CCDC171: variants seen among roughly 807,000 people sequenced by gnomAD.
CCDC171 encodes coiled-coil domain containing 171.
Under a neutral mutation model 168.2 loss-of-function variants are expected in CCDC171, and 177 were observed. The observed-to-expected ratio is 1.05, with a 90% confidence interval of 0.93 to 1.19. The LOEUF (loss-of-function observed/expected upper bound fraction) is 1.19. CCDC171 is among the 50% of genes most tolerant of loss of function. The pLI, the probability that CCDC171 is intolerant of heterozygous loss-of-function variation, is 0.00. For missense variants in CCDC171, 1,991 were observed against 1,539.0 expected (o/e 1.29, Z -4.91); for synonymous variants, 687 against 540.8 (o/e 1.27, Z -3.75).
intron 21 of CCDC171, among the ~76,000 whole-genome samples, chr9:15,825,072 G>GA (rs2059956299): frequency 6.6e-6 from 1 of 151,902 alleles, no homozygotes; most frequent in South Asian, 2.1e-4. Flanking sequence ...AAGCAGGATA[G>GA]AAAAAAAGAG....
chr9:16,009,059 G>T (rs3008729), intron 3 of CCDC171, among the ~76,000 whole-genome samples: 85,515 of 151,358 alleles, frequency 0.56, 24,385 homozygotes, highest in East Asian at 0.66. Flanking sequence ...TATAAAAATT[G>T]TATTATTATA....
chr9:15,600,883 C>T (rs888992685), intron 6 of CCDC171, among the ~76,000 whole-genome samples: 1 of 152,206 alleles, frequency 6.6e-6, no homozygotes, highest in African/African-American at 2.4e-5. Context: ...TTGGATTTCA[C>T]ACTGCTGTGG....
At chr9:15,564,842 A>T (rs756512762) in intron 2 of CCDC171, among the ~76,000 whole-genome samples, 2 of 152,248 alleles carry the variant, frequency 1.3e-5, no homozygotes, top group Non-Finnish European at 2.9e-5. Flanking sequence ...TGAATCTAAG[A>T]GTAAAACATT....
chr9:16,062,739 T>A (rs1375871154), downstream of CCDC171, among the ~76,000 whole-genome samples: 6 of 151,988 alleles, frequency 3.9e-5, 1 homozygote. Flanking sequence ...GGTGAGAGAG[T>A]GACATGCACA....
At chr9:16,003,118 A>T (rs1303061624) in intron 3 of CCDC171, among the ~76,000 whole-genome samples, 2 of 152,188 alleles carry the variant, frequency 1.3e-5, no homozygotes, top group Admixed American at 6.5e-5. Context: ...CATCTCTGTT[A>T]GTGATTGTAA....
chr9:15,842,156 T>G (rs1233689478), intron 21 of CCDC171, among the ~76,000 whole-genome samples: 1 of 152,074 alleles, frequency 6.6e-6, no homozygotes, highest in Admixed American at 6.6e-5. Context: ...ACTAACTTTT[T>G]ATACCAAATT....
At chr9:15,702,217 A>C (rs1220963390) in intron 11 of CCDC171, among the ~76,000 whole-genome samples, 1 of 152,132 alleles carries the variant, frequency 6.6e-6, no homozygotes, top group African/African-American at 2.4e-5. Context: ...ATGAGCTGTC[A>C]TCCGTATGAG....
chr9:15,895,489 T>C (rs189273127), intron 24 of CCDC171, among the ~76,000 whole-genome samples: 2 of 152,144 alleles, frequency 1.3e-5, no homozygotes, highest in African/African-American at 4.8e-5. Flanking sequence ...GCTGACACCA[T>C]TGCAATAGAA....
chr9:15,711,833 T>G (rs2052690410), intron 11 of CCDC171, among the ~76,000 whole-genome samples: 1 of 152,240 alleles, frequency 6.6e-6, no homozygotes, highest in Non-Finnish European at 1.5e-5. Context: ...GTCCTTCTTT[T>G]TCTATCTGGT....
chr9:15,839,534 G>T (rs1025591862), intron 21 of CCDC171, among the ~76,000 whole-genome samples: 1 of 152,102 alleles, frequency 6.6e-6, no homozygotes, highest in African/African-American at 2.4e-5. Context: ...AACAGGAATG[G>T]TAATACTATA....
intron 11 of CCDC171, among the ~76,000 whole-genome samples, chr9:15,710,574 T>C (rs940466918): frequency 6.6e-6 from 1 of 152,006 alleles, no homozygotes; most frequent in African/African-American, 2.4e-5. Context: ...GTGCTGGGAT[T>C]ACAGGTGTGA....
intron 1 of CCDC171, among the ~76,000 whole-genome samples, chr9:16,059,051 G>A (rs1347314505): frequency 3.3e-5 from 5 of 152,096 alleles, no homozygotes; most frequent in African/African-American, 4.8e-5. Flanking sequence ...GTCTGTTCCT[G>A]TCTCCACAGT....
In CCDC171 at chr9:15,559,043, G is replaced by T. The variant is rs561047730; in HGVS notation, c.-111-4935G>T. The stretch of plus-strand genomic sequence containing the variant: ...TCAGTTTCCACGTAGTTGAGCGGTT[G>T]TGAGTGAGTTTCTTAATCCTGAGTT... On this transcript the variant is annotated intron_variant, in intron 1 of 25. Transcript: ENST00000380701. 2.6e-4 allele frequency among the ~76,000 whole-genome samples: 39 copies of T among 152,220 alleles called. No individual in the cohort carries two copies. In the East Asian group the frequency reaches 6.0e-3, roughly 23 times the overall value.
intron 7 of CCDC171, among the ~76,000 whole-genome samples, chr9:15,642,395 C>G (rs2046711181): frequency 8.7e-6 from 1 of 114,446 alleles, no homozygotes; most frequent in Middle Eastern, 6.2e-3. Flanking sequence ...GCATTTTAAC[C>G]AGAATTTTGT....
chr9:15,701,384 T>G (rs1192774368), intron 11 of CCDC171, among the ~76,000 whole-genome samples: 9 of 152,190 alleles, frequency 5.9e-5, no homozygotes, highest in Non-Finnish European at 1.0e-4. Flanking sequence ...GTCTTATGTT[T>G]GAGTCTTTAC....
chr9:16,076,858 A>G, the CCDC171 span, among the ~76,000 whole-genome samples: 5 of 152,118 alleles, frequency 3.3e-5, no homozygotes, highest in African/African-American at 1.2e-4. Context: ...GACTTGTAGA[A>G]CCCGGTATTT....
intron 7 of CCDC171, among the ~76,000 whole-genome samples, chr9:15,624,837 ATCACTGGGTTAAATGG>A (rs1355598348): frequency 6.6e-6 from 1 of 152,178 alleles, no homozygotes; most frequent in East Asian, 1.9e-4. Context: ...CAGTAATGGG[ATCACTGGGTTAAATGG>A]TATTTCTAGT....
intron 11 of CCDC171, among the ~76,000 whole-genome samples, chr9:15,716,664 G>T (rs918929662): frequency 6.6e-6 from 1 of 152,144 alleles, no homozygotes; most frequent in African/African-American, 2.4e-5. Context: ...AACATCTGGT[G>T]AGGGCCCTTA....
intron 6 of CCDC171, among the ~76,000 whole-genome samples, chr9:15,605,891 G>A (rs949904104): frequency 6.6e-6 from 1 of 152,076 alleles, no homozygotes; most frequent in Non-Finnish European, 1.5e-5. Flanking sequence ...TATTTGCATG[G>A]CATTCTGTCA....
Sources: allele counts gnomAD v4.1 joint callset (sites outside exome capture counted in the v4.1 genomes callset), GRCh38; gene constraint gnomAD v4.1.1; transcripts MANE v1.5; gene names NCBI Gene and HGNC (gene_info 2026-07-23, HGNC 2026-07-21).